Variants in STK17A observed in about 807,000 individuals in gnomAD.
STK17A encodes serine/threonine-protein kinase 17A.
A neutral mutation model predicts 43.7 loss-of-function variants in STK17A; 26 were observed. The ratio of observed to expected loss-of-function variants is 0.60; its 90% CI spans 0.44 to 0.83. The LOEUF (loss-of-function observed/expected upper bound fraction) is 0.83. Among genes scored for constraint, STK17A ranks in the 40% least tolerant of loss-of-function variants. The pLI is 0.00. For missense variants in STK17A, 476 were observed against 511.6 expected (o/e 0.93, Z 0.67); for synonymous variants, 191 against 182.5 (o/e 1.05, Z -0.38).
intron 2 of STK17A, among the ~76,000 whole-genome samples, chr7:43,606,508 G>C (rs1201739276): frequency 6.6e-6 from 1 of 152,094 alleles, no homozygotes; most frequent in Non-Finnish European, 1.5e-5. Flanking sequence ...AATGTTTTCT[G>C]TAAAAGTAGT....
intron 4 of STK17A, among the ~76,000 whole-genome samples, chr7:43,621,503 A>T (rs1169102629): frequency 1.3e-5 from 2 of 152,156 alleles, no homozygotes; most frequent in Non-Finnish European, 2.9e-5. Context: ...TGTTTGAGAG[A>T]GTCTCACTCT....
At chr7:43,598,389 G>A (rs1256385441) in intron 2 of STK17A, among the ~76,000 whole-genome samples, 4 of 149,134 alleles carry the variant, frequency 2.7e-5, no homozygotes, top group African/African-American at 9.9e-5. Flanking sequence ...AGAATGGCGT[G>A]AACCTGGGAG....
At chr7:43,594,972 G>T (rs1413403258) in intron 1 of STK17A, among the ~76,000 whole-genome samples, 1 of 151,770 alleles carries the variant, frequency 6.6e-6, no homozygotes, top group African/African-American at 2.4e-5. Flanking sequence ...CCACTTATAG[G>T]GTTCAAGCCC....
In STK17A at chr7:43,583,437, G is replaced by A. The variant is rs1189161611; in HGVS notation, c.194G>A (p.Arg65Gln). ...GACGGCTACAGCCTGTGCCCGGGCC[G>A]GGAGCTGGGCAGGTGAGGACGGGCG... is the stretch of plus-strand genomic sequence containing the variant. ...FQDGYSLCPG[R>Q]ELGRGKFAVV... The change falls in exon 1 of 7, where the codon CGG (arginine) becomes CAG (glutamine). Residue 65 changes from arginine (R) to glutamine (Q), a missense_variant. Physicochemically the swap from Arg to Gln is conservative, Grantham distance 43. Transcript: ENST00000319357. 2 of 1,365,948 alleles carry A rather than the reference G, an allele frequency of 1.5e-6. No individual in the cohort carries two copies. Among genetic ancestry groups the A allele is most frequent in the Non-Finnish European group, 1.9e-6 (2 of 1,060,878 alleles). 84.6% of individuals were successfully genotyped at this position (1,365,948 alleles called of 1,614,324 possible). A position where few individuals can be genotyped will look rare whatever the true frequency, so the allele number is the denominator to read the frequency against.
intron 3 of STK17A, among the ~76,000 whole-genome samples, chr7:43,616,093 T>G (rs1269465399): frequency 2.0e-5 from 3 of 152,200 alleles, no homozygotes; most frequent in African/African-American, 7.2e-5. Flanking sequence ...GCCTAGCTCA[T>G]TAGGCAATCA....
At chr7:43,619,855 C>T in intron 4 of STK17A, 132 bp downstream of exon 4, 1 of 1,220,572 alleles carries the variant, frequency 8.2e-7, no homozygotes, top group Non-Finnish European at 1.1e-6. Context: ...AGATCTATTC[C>T]TTTGGATTAC....
At chr7:43,610,670 AAAAG>A (rs1473872232) in intron 3 of STK17A, among the ~76,000 whole-genome samples, 1 of 152,292 alleles carries the variant, frequency 6.6e-6, no homozygotes, top group Admixed American at 6.5e-5. Context: ...TCGTCTCAAA[AAAAG>A]AACTGCTATA....
At chr7:43,615,179 T>C (rs1168197214) in intron 3 of STK17A, among the ~76,000 whole-genome samples, 1 of 151,890 alleles carries the variant, frequency 6.6e-6, no homozygotes, top group Admixed American at 6.6e-5. Context: ...TTGTTTTTTG[T>C]TTGTTTGTTT....
intron 3 of STK17A, among the ~76,000 whole-genome samples, chr7:43,613,119 A>G (rs1056952813): frequency 3.9e-5 from 6 of 152,082 alleles, no homozygotes; most frequent in Non-Finnish European, 4.4e-5. Flanking sequence ...CTTAAAATCT[A>G]TTGCTCTTTT....
At chr7:43,585,867 C>T (rs1232523620) in intron 1 of STK17A, among the ~76,000 whole-genome samples, 1 of 151,468 alleles carries the variant, frequency 6.6e-6, no homozygotes, top group Non-Finnish European at 1.5e-5. Flanking sequence ...AAAAAGAAAA[C>T]CTGCACAATC....
At position 43,583,185 on chromosome 7, in the gene STK17A, G is replaced by A; in HGVS notation, c.-59G>A. ...GGCACTAGGAGCCGGGGGCGGGTCCGTGACCCTCCGGCTGCTCGGAGTGAA... is the reference window on the plus strand; with the variant it reads ...GGCACTAGGAGCCGGGGGCGGGTCCATGACCCTCCGGCTGCTCGGAGTGAA... On this transcript the variant is annotated 5_prime_UTR_variant, in exon 1 of 7. In the 5' UTR this introduces an upstream ATG that the reference lacks. Transcript: ENST00000319357. The A allele has an allele frequency of 2.0e-6, 3 of 1,529,862 alleles. No individual in the cohort carries two copies. Among genetic ancestry groups the A allele is most frequent in the Non-Finnish European group, 2.6e-6 (3 of 1,137,004 alleles). The allele number at this position is 1,529,862 out of a possible 1,614,324, so 94.8% of individuals were successfully genotyped here.
At chr7:43,611,553 A>C (rs1042556460) in intron 3 of STK17A, among the ~76,000 whole-genome samples, 1 of 152,120 alleles carries the variant, frequency 6.6e-6, no homozygotes, top group African/African-American at 2.4e-5. Flanking sequence ...TTTCCCCTTC[A>C]GTGTGTCATA....
At chr7:43,587,274 C>T (rs973707990) in intron 1 of STK17A, among the ~76,000 whole-genome samples, 5 of 149,924 alleles carry the variant, frequency 3.3e-5, no homozygotes, top group Non-Finnish European at 6.0e-5. Context: ...CCTGCCTCAG[C>T]CTCCCGAGTA....
intron 2 of STK17A, among the ~76,000 whole-genome samples, chr7:43,603,146 A>G (rs915381962): frequency 6.6e-6 from 1 of 152,182 alleles, no homozygotes; most frequent in African/African-American, 2.4e-5. Context: ...TGTTAGATAA[A>G]TAATAAAAAT....
intron 2 of STK17A, among the ~76,000 whole-genome samples, chr7:43,596,657 A>C (rs1162380529): frequency 6.6e-6 from 1 of 151,444 alleles, no homozygotes; most frequent in Non-Finnish European, 1.5e-5. Context: ...ACCTGAGGTC[A>C]AGAGTTCAAG....
chr7:43,622,638 T>G (rs1056186560), intron 4 of STK17A: 2 of 152,168 alleles, frequency 1.3e-5, no homozygotes, highest in Non-Finnish European at 2.9e-5. Flanking sequence ...CTTGCATATT[T>G]GACAGTGTCT....
chr7:43,624,094 G>GA (rs2084225301), intron 6 of STK17A, among the ~76,000 whole-genome samples: 1 of 152,106 alleles, frequency 6.6e-6, no homozygotes, highest in Non-Finnish European at 1.5e-5. Context: ...GGGCAAAAAT[G>GA]AAAATATTTT....
Position 43,588,829 on chromosome 7 carries a change from C to T in STK17A, c.206+5380C>T, listed in dbSNP as rs753241458. On this transcript the variant is annotated intron_variant, in intron 1 of 6. Coordinates refer to ENST00000319357, the MANE Select transcript of STK17A (RefSeq NM_004760.3). Reference sequence around the variant, plus strand: ...CCTAGGTGACAGAGTGGGACTGTGTCTCAAAAAAAGAAAAAAGACATCACT... The same window carrying T: ...CCTAGGTGACAGAGTGGGACTGTGTTTCAAAAAAAGAAAAAAGACATCACT... Among the ~76,000 whole-genome samples the T allele has an allele frequency of 1.1e-4, 16 of 150,916 alleles. 2 individuals are homozygous for T. Among genetic ancestry groups the T allele is most frequent in the Non-Finnish European group, 1.8e-4 (12 of 67,442 alleles).
At chr7:43,621,803 T>G (rs1195243680) in intron 4 of STK17A, among the ~76,000 whole-genome samples, 3 of 152,180 alleles carry the variant, frequency 2.0e-5, no homozygotes, top group Admixed American at 1.3e-4. Context: ...AGAAAAAAAC[T>G]AAAAATGATT....
Sources: allele counts gnomAD v4.1 joint callset (sites outside exome capture counted in the v4.1 genomes callset), GRCh38; gene constraint gnomAD v4.1.1; transcripts MANE v1.5; gene names NCBI Gene and HGNC (gene_info 2026-07-23, HGNC 2026-07-21).